MIA3: variants seen among roughly 807,000 people sequenced by gnomAD.
The protein encoded by MIA3 is transport and Golgi organization protein 1 homolog.
In MIA3, 90 loss-of-function variants were observed where a neutral mutation model predicts 192.4. That is an observed-to-expected ratio of 0.47 (90% CI 0.39 to 0.56). MIA3 has a LOEUF of 0.56. MIA3 is among the 20% of genes least tolerant of loss of function. The probability of loss-of-function intolerance (pLI) is 0.00; values close to 1 mark genes in which losing one functional copy is unlikely to be tolerated. For missense variants in MIA3, 2,123 were observed against 2,269.4 expected (o/e 0.94, Z 1.31); for synonymous variants, 740 against 792.8 (o/e 0.93, Z 1.12).
chr1:222,654,186 A>G (rs1663582189), intron 15 of MIA3, 57 bp from the exon 16 acceptor site: 2 of 1,522,230 alleles, frequency 1.3e-6, no homozygotes, highest in Non-Finnish European at 1.8e-6. Context: ...TCAAGAAAAT[A>G]TAGATTTAAA....
chr1:222,634,651 G>A (rs1282196111), intron 6 of MIA3, among the ~76,000 whole-genome samples: 1 of 152,126 alleles, frequency 6.6e-6, no homozygotes, highest in Non-Finnish European at 1.5e-5. Flanking sequence ...TAAATTAGAG[G>A]ACTAAGCAAG....
chr1:222,629,988 T>G lies in MIA3; in HGVS notation c.2768T>G (p.Leu923Ter). ...EPGHSDKREDLLIISSFFKEQ... is the reference protein window; with the variant it reads ...EPGHSDKRED ...GGGCATAGTGACAAGAGGGAGGACT[T>G]ACTTATCATAAGCAGCTTCTTTAAA... is the stretch of plus-strand genomic sequence containing the variant. Residue 923 changes from leucine to a stop codon, truncating the protein, a stop_gained, in exon 4 of 28, where the codon TTA becomes TGA. Transcript: ENST00000344922. LOFTEE classifies it high-confidence loss of function. 1.9e-6 allele frequency: 3 copies of G among 1,614,146 alleles called. No homozygotes were observed. Among genetic ancestry groups the G allele is most frequent in the Non-Finnish European group, 2.5e-6 (3 of 1,180,036 alleles).
chr1:222,650,758 A>C (rs780834991), intron 10 of MIA3, 35 bp from the exon 11 acceptor site: 13 of 1,564,732 alleles, frequency 8.3e-6, no homozygotes, highest in Non-Finnish European at 1.1e-5. Context: ...AAGTAAAAGT[A>C]ATGAGTATAA....
rs193292938 is a variant in MIA3 at position 222,632,217 on chromosome 1, T to C, written c.3222T>C (p.Leu1074=). The change falls in exon 5 of 28, where the codon CTT becomes CTC. Residue 1074 remains leucine (L), a synonymous_variant. Transcript: ENST00000344922. ...DNFSREKTAE[L]NVQVPEEPTH... is the part of the protein sequence containing the mutation. ...TCTCACGAGAGAAGACAGCAGAACT[T>C]AATGTGCAGGTTCCTGAAGAACCCA... 2.3e-4 allele frequency: 378 copies of C among 1,614,160 alleles called. 4 individuals are homozygous for C. The South Asian group carries it at 3.2e-3, about 14-fold the overall frequency.
rs144722658 is a variant in MIA3 at position 222,651,561 on chromosome 1, G to T, written c.3910-416G>T. Among the ~76,000 whole-genome samples the T allele has an allele frequency of 1.1e-4, 17 of 151,284 alleles. No individual in the cohort carries two copies. The East Asian group carries it at 3.1e-3, about 28-fold the overall frequency. ...CTCCAATCCTACCATTTTTAATTTA[G>T]GCAAGAGCAATTGGTGTTTGACAAA... On this transcript the variant is annotated intron_variant, in intron 11 of 27. Coordinates refer to ENST00000344922, the MANE Select transcript of MIA3 (RefSeq NM_198551.4).
At chr1:222,648,952 T>A (rs1276161539) in intron 8 of MIA3, 102 bp downstream of exon 8, 6 of 759,922 alleles carry the variant, frequency 7.9e-6, no homozygotes, top group African/African-American at 5.4e-5. Flanking sequence ...GATGTCTGAC[T>A]GACTTATAGC....
In MIA3 at chr1:222,629,923, T is replaced by A. The variant is rs1336515786; in HGVS notation, c.2703T>A (p.Asp901Glu). 6.2e-7 allele frequency: 1 copy of A among 1,614,100 alleles called. No homozygotes were observed. The highest frequency in any genetic ancestry group is 2.2e-5 in the East Asian group (1 of 44,880). Residue 901 changes from aspartate to glutamate, a missense_variant, in exon 4 of 28, where the codon GAT becomes GAA. Physicochemically the swap from Asp to Glu is conservative, Grantham distance 45. Coordinates refer to ENST00000344922, the MANE Select transcript of MIA3 (RefSeq NM_198551.4). Reference protein sequence around the residue: ...SQGSAAAEPEDDSFHWTPHTS... With the variant: ...SQGSAAAEPEEDSFHWTPHTS... ...GGTCTGCTGCTGCAGAACCTGAAGATGACTCGTTCCACTGGACTCCACATA... is the reference window on the plus strand; with the variant it reads ...GGTCTGCTGCTGCAGAACCTGAAGAAGACTCGTTCCACTGGACTCCACATA...
At chr1:222,661,112 C>T (rs1156243427) in intron 24 of MIA3, 4 of 152,344 alleles carry the variant, frequency 2.6e-5, no homozygotes, top group Non-Finnish European at 1.5e-5. Context: ...TTGTGTATCA[C>T]AGTAAACATA....
rs764215187 is a variant in MIA3, at chr1:222,666,075, A to C, written c.*456A>C. The stretch of plus-strand genomic sequence containing the variant: ...TTACGCTAAAAATGTTTACTAAAAG[A>C]TCACTAAACTATCTCCCCTCTTGCT... On this transcript the variant is annotated 3_prime_UTR_variant, in exon 28 of 28. Transcript: ENST00000344922. The C allele has an allele frequency of 6.6e-6, 1 of 152,584 alleles. No individual in the cohort carries two copies. Among genetic ancestry groups the C allele is most frequent in the Non-Finnish European group, 1.5e-5 (1 of 68,344 alleles). 9.5% of individuals were successfully genotyped at this position (152,584 alleles called of 1,614,324 possible).
At chr1:222,638,320 A>G (rs889398600) in intron 6 of MIA3, among the ~76,000 whole-genome samples, 8 of 152,204 alleles carry the variant, frequency 5.3e-5, no homozygotes, top group African/African-American at 1.7e-4. Flanking sequence ...GAAAATCCCC[A>G]AATATTTGGA....
In MIA3 at chr1:222,630,085, G is replaced by A. The variant is rs767061048; in HGVS notation, c.2865G>A (p.Met955Ile). 4.3e-6 allele frequency: 7 copies of A among 1,614,162 alleles called. No individual in the cohort carries two copies. In the South Asian group the frequency reaches 7.7e-5, roughly 18 times the overall value. The change falls in exon 4 of 28, where the codon ATG becomes ATA. Residue 955 changes from methionine to isoleucine, a missense_variant. By Grantham distance (10) the Met-to-Ile change is conservative. Transcript: ENST00000344922. ...AGCTGGAAGCCTTGCTACAAGAAAT[G>A]TCATCAAAACTGAAGTCAGCGCAGC... ...VHELEALLQE[M>I]SSKLKSAQQE... is the part of the protein sequence containing the mutation.
At chr1:222,625,369 G>A (rs1015866202) in intron 3 of MIA3, among the ~76,000 whole-genome samples, 1 of 152,214 alleles carries the variant, frequency 6.6e-6, no homozygotes, top group African/African-American at 2.4e-5. Flanking sequence ...TAAGAGTTCA[G>A]TAGTTTTATA....
chr1:222,632,756 C>T (rs17163341), intron 5 of MIA3, among the ~76,000 whole-genome samples: 3,211 of 152,290 alleles, frequency 0.021, 102 homozygotes, highest in African/African-American at 0.071. Flanking sequence ...TGTTTTTCCT[C>T]TACTTTACCC....
Position 222,650,835 on chromosome 1 carries a change from G to A in MIA3, c.3841G>A (p.Asp1281Asn). ...TGAAAAAAATCAGGAAATTCTGGAT[G>A]ACACAGCTAAAAATCTTCGTGTTAT... Reference protein sequence around the residue: ...TLEKNQEILDDTAKNLRVMLE... With the variant: ...TLEKNQEILDNTAKNLRVMLE... The change falls in exon 11 of 28, where the codon GAC becomes AAC. Residue 1281 changes from aspartate (D) to asparagine (N), a missense_variant. Asp to Asn is a conservative substitution (Grantham distance 23). This residue lies in a region of MIA3 where 762 missense variants were observed against 856.4 expected (regional missense o/e 0.89). Coordinates refer to ENST00000344922, the MANE Select transcript of MIA3 (RefSeq NM_198551.4). 1 of 1,610,748 alleles carries A rather than the reference G, an allele frequency of 6.2e-7. No individual in the cohort carries two copies. The highest frequency in any genetic ancestry group is 8.5e-7 in the Non-Finnish European group (1 of 1,178,684).
At chr1:222,644,189 G>GCCCT in intron 6 of MIA3, 1 of 818,402 alleles carries the variant, frequency 1.2e-6, no homozygotes, top group East Asian at 4.8e-5. Flanking sequence ...TTCCGCTCTA[G>GCCCT]CCCTATTCGC....
At position 222,665,724 on chromosome 1, in the gene MIA3, TTTG is replaced by T; in HGVS notation, c.*111_*113del. 2.9e-6 allele frequency: 3 copies of T among 1,043,156 alleles called. No homozygotes were observed. Among genetic ancestry groups the T allele is most frequent in the Non-Finnish European group, 4.0e-6 (3 of 758,388 alleles). 64.6% of individuals were successfully genotyped at this position (1,043,156 alleles called of 1,614,324 possible). A position where few individuals can be genotyped will look rare whatever the true frequency, so the allele number is the denominator to read the frequency against. On this transcript the variant is annotated 3_prime_UTR_variant, in exon 28 of 28. Coordinates refer to ENST00000344922, the MANE Select transcript of MIA3 (RefSeq NM_198551.4). ...AAATCCAAAAGTTTATTTTAAAAGGTTTGTTGTTAGAACTAAGCTGCCTTGGCA... is the reference window on the plus strand; with the variant it reads ...AAATCCAAAAGTTTATTTTAAAAGGTTTGTTAGAACTAAGCTGCCTTGGCA...
intron 6 of MIA3, among the ~76,000 whole-genome samples, chr1:222,636,726 C>T (rs1359229172): frequency 6.6e-6 from 1 of 152,066 alleles, no homozygotes; most frequent in Non-Finnish European, 1.5e-5. Context: ...CTTGGCCAGG[C>T]TGGTCTCGAA....
intron 26 of MIA3, 108 bp downstream of exon 26, chr1:222,662,440 A>T: frequency 6.4e-7 from 1 of 1,565,500 alleles, no homozygotes; most frequent in African/African-American, 1.4e-5. Flanking sequence ...GTACTATCTC[A>T]TTTATTTTTT....
intron 6 of MIA3, chr1:222,644,220 A>G: frequency 8.6e-7 from 1 of 1,158,010 alleles, no homozygotes; most frequent in South Asian, 1.7e-5. Flanking sequence ...CGTCCCCTCG[A>G]TAGTTGGTTC....
Sources: gnomAD v4.1 joint callset for allele counts (sites outside exome capture counted in the v4.1 genomes callset) on GRCh38, gnomAD v4.1.1 for gene constraint, gnomAD v4.1.1 regional missense constraint, MANE v1.5 for transcripts, NCBI Gene and HGNC (gene_info 2026-07-23, HGNC 2026-07-21) for gene names.